The following SLCO1C1 variants were observed in gnomAD, a reference collection of about 807,000 sequenced individuals.
SLCO1C1 encodes OAT-RP-5.
A neutral mutation model predicts 76.4 loss-of-function variants in SLCO1C1; 70 were observed. That is an observed-to-expected ratio of 0.92 (90% CI 0.76 to 1.12). The LOEUF (loss-of-function observed/expected upper bound fraction) is 1.12. Among genes scored for constraint, SLCO1C1 ranks in the 50% most tolerant of loss-of-function variants. The probability of loss-of-function intolerance (pLI) is 0.00; values close to 1 mark genes in which losing one functional copy is unlikely to be tolerated. For synonymous variants in SLCO1C1, 306 were observed against 286.1 expected, an observed-to-expected ratio of 1.07 and a Z score of -0.70; for missense variants, 912 against 823.8, an observed-to-expected ratio of 1.11 and a Z score of -1.31.
intron 4 of SLCO1C1, 85 bp downstream of exon 4, chr12:20,706,166 T>G (rs2120640368): frequency 6.9e-7 from 1 of 1,458,456 alleles, no homozygotes; most frequent in Non-Finnish European, 9.1e-7. Context: ...TATGCAAATT[T>G]AAGCTTAACC....
At chr12:20,746,782 A>C (rs4581504) in intron 13 of SLCO1C1, among the ~76,000 whole-genome samples, 108,491 of 151,658 alleles carry the variant, frequency 0.72, 39,666 homozygotes, top group East Asian at 0.85. Context: ...TAAATCCAGA[A>C]TGTGGCATAT....
chr12:20,740,650 T>G (rs1948758235), intron 12 of SLCO1C1, among the ~76,000 whole-genome samples: 1 of 151,358 alleles, frequency 6.6e-6, no homozygotes, highest in Non-Finnish European at 1.5e-5. Flanking sequence ...GTATCCTACT[T>G]CTAACGCTGG....
intron 9 of SLCO1C1, 120 bp from the exon 10 acceptor site, chr12:20,732,789 T>C (rs762107210): frequency 2.6e-5 from 26 of 1,001,442 alleles, no homozygotes; most frequent in Non-Finnish European, 1.3e-5. Context: ...TATATGTCAG[T>C]AGATGATAGT....
chr12:20,701,038 G>A (rs1946498810), intron 2 of SLCO1C1, among the ~76,000 whole-genome samples: 1 of 151,974 alleles, frequency 6.6e-6, no homozygotes, highest in Non-Finnish European at 1.5e-5. Context: ...GTGCCCCTCT[G>A]GAGCAGAGTG....
chr12:20,749,746 G>C (rs1022084322), intron 13 of SLCO1C1, among the ~76,000 whole-genome samples: 16 of 152,150 alleles, frequency 1.1e-4, no homozygotes, highest in African/African-American at 3.9e-4. Context: ...TTCCTACCGT[G>C]GTGAGCTTAC....
chr12:20,737,667 T>C (rs1185030995), intron 11 of SLCO1C1, among the ~76,000 whole-genome samples: 59 of 152,088 alleles, frequency 3.9e-4, no homozygotes. Context: ...TAGAGGCCAG[T>C]ATTAGGAGGC....
At position 20,753,368 on chromosome 12, in the gene SLCO1C1, G is replaced by A. The variant is rs1393888423; in HGVS notation, c.*840G>A. 6.6e-6 allele frequency: 1 copy of A among 152,184 alleles called. No individual in the cohort carries two copies. The highest frequency in any genetic ancestry group is 1.5e-5 in the Non-Finnish European group (1 of 68,052). 9.4% of individuals were successfully genotyped at this position (152,184 alleles called of 1,614,324 possible). A position where few individuals can be genotyped will look rare whatever the true frequency, so the allele number is the denominator to read the frequency against. On this transcript the variant is annotated 3_prime_UTR_variant, in exon 15 of 15. Coordinates refer to ENST00000266509, the MANE Select transcript of SLCO1C1 (RefSeq NM_017435.5). ...GAATTTCTGAAAGTCTACAATAAAT[G>A]TAGGTGTTACAACAGGAATGGAGAG...
At chr12:20,743,162 T>C in intron 12 of SLCO1C1, 143 bp from the exon 13 acceptor site, 1 of 654,180 alleles carries the variant, frequency 1.5e-6, no homozygotes, top group Non-Finnish European at 2.6e-6. Flanking sequence ...TTGCCCTCCC[T>C]ATGTTAGCAC....
At chr12:20,717,339 T>C in intron 7 of SLCO1C1, 109 bp downstream of exon 7, 1 of 760,564 alleles carries the variant, frequency 1.3e-6, no homozygotes, top group East Asian at 3.2e-5. Context: ...GATGGAGTTG[T>C]AATCTTTCAT....
intron 4 of SLCO1C1, 120 bp from the exon 5 acceptor site, chr12:20,711,266 T>C (rs1391633188): frequency 1.2e-5 from 14 of 1,133,296 alleles, no homozygotes; most frequent in Middle Eastern, 2.1e-4. Context: ...ATTTGGTGAA[T>C]TAGGTTCAGA....
intron 3 of SLCO1C1, among the ~76,000 whole-genome samples, chr12:20,704,236 T>C (rs534799264): frequency 1.3e-5 from 2 of 151,370 alleles, no homozygotes; most frequent in African/African-American, 4.8e-5. Context: ...ATATATATGG[T>C]ATATAGATAT....
chr12:20,733,179 AG>A, intron 10 of SLCO1C1, 75 bp downstream of exon 10: 4 of 1,372,992 alleles, frequency 2.9e-6, no homozygotes, highest in Non-Finnish European at 3.9e-6. Context: ...GTTGCAAAAA[AG>A]GAATTTGATT....
intron 5 of SLCO1C1, among the ~76,000 whole-genome samples, chr12:20,713,298 C>A (rs1399487300): frequency 6.6e-6 from 1 of 151,942 alleles, no homozygotes; most frequent in African/African-American, 2.4e-5. Context: ...CCAGGATGGT[C>A]TCGATCTCCT....
At chr12:20,745,642 T>C (rs905731928) in intron 13 of SLCO1C1, among the ~76,000 whole-genome samples, 9 of 151,868 alleles carry the variant, frequency 5.9e-5, no homozygotes, top group African/African-American at 2.2e-4. Flanking sequence ...CTGCCCAACA[T>C]GGTGAAACCC....
chr12:20,745,762 T>C (rs1010535527), intron 13 of SLCO1C1, among the ~76,000 whole-genome samples: 7 of 151,734 alleles, frequency 4.6e-5, no homozygotes, highest in South Asian at 2.1e-4. Flanking sequence ...TAGGCAGAGG[T>C]TGCAGTGAGC....
chr12:20,700,497 G>A (rs925896338), intron 2 of SLCO1C1, among the ~76,000 whole-genome samples: 9 of 149,078 alleles, frequency 6.0e-5, no homozygotes, highest in South Asian at 2.1e-4. Flanking sequence ...ATGTGCACAC[G>A]TGCAGGTTTG....
At chr12:20,746,027 G>A (rs761487507) in intron 13 of SLCO1C1, among the ~76,000 whole-genome samples, 8 of 152,098 alleles carry the variant, frequency 5.3e-5, no homozygotes, top group Non-Finnish European at 1.0e-4. Context: ...CGCAGTAAAA[G>A]CATATGGCAC....
intron 1 of SLCO1C1, 129 bp downstream of exon 1, chr12:20,695,936 C>T (rs997644166): frequency 2.6e-5 from 4 of 152,002 alleles, no homozygotes; most frequent in Admixed American, 6.6e-5. Flanking sequence ...ATGATCCCCT[C>T]ATTAGTTTGA....
chr12:20,720,817 G>C (rs554713860), intron 7 of SLCO1C1, among the ~76,000 whole-genome samples: 4 of 152,206 alleles, frequency 2.6e-5, no homozygotes, highest in African/African-American at 9.6e-5. Flanking sequence ...GAGCAGCATG[G>C]AGAAACCCTG....
Sources: allele counts gnomAD v4.1 joint callset (sites outside exome capture counted in the v4.1 genomes callset), GRCh38; gene constraint gnomAD v4.1.1; transcripts MANE v1.5; gene names NCBI Gene and HGNC (gene_info 2026-07-23, HGNC 2026-07-21).